The following C4BPA variants were observed in gnomAD, a reference collection of about 807,000 sequenced individuals.
C4BPA encodes complement component 4 binding protein alpha, also known as C4b-binding protein alpha chain.
Under a neutral mutation model 63.7 loss-of-function variants are expected in C4BPA, and 31 were observed. The ratio of observed to expected loss-of-function variants is 0.49; its 90% CI spans 0.37 to 0.66. The LOEUF is 0.66. Ranked by LOEUF, C4BPA falls within the 30% of genes least tolerant of loss-of-function variation. The pLI is 0.00. For synonymous variants in C4BPA, 259 were observed against 254.7 expected, an observed-to-expected ratio of 1.02 and a Z score of -0.16; for missense variants, 572 against 723.3, an observed-to-expected ratio of 0.79 and a Z score of 2.40.
intron 1 of C4BPA, among the ~76,000 whole-genome samples, chr1:207,110,379 G>A (rs2102328594): frequency 6.6e-6 from 1 of 152,332 alleles, no homozygotes; most frequent in East Asian, 1.9e-4. Flanking sequence ...CCACAATACC[G>A]AAAAGTTAGT....
chr1:207,116,522 G>GTA (rs1558088599), intron 4 of C4BPA, among the ~76,000 whole-genome samples: 2 of 135,920 alleles, frequency 1.5e-5, no homozygotes, highest in African/African-American at 6.5e-5. Flanking sequence ...GTATATGTGT[G>GTA]TGTGTGTGTG....
chr1:207,123,945 C>A lies in C4BPA; in HGVS notation c.452C>A (p.Thr151Asn). Residue 151 changes from threonine to asparagine, a missense_variant, in exon 5 of 12, where the codon ACT becomes AAT. By Grantham distance (65) the Thr-to-Asn change is moderately conservative. Transcript: ENST00000367070. Reference sequence around the variant, plus strand: ...AGATTTTTCTTAATTGGCTCAACCACTAGTCGTTGTGAAGTCCAAGATAGA... The same window carrying A: ...AGATTTTTCTTAATTGGCTCAACCAATAGTCGTTGTGAAGTCCAAGATAGA... ...SEGFFLIGST[T>N]SRCEVQDRGV... 1 of 1,610,520 alleles carries A rather than the reference C, an allele frequency of 6.2e-7. No individual in the cohort carries two copies. The highest frequency in any genetic ancestry group is 8.5e-7 in the Non-Finnish European group (1 of 1,177,558).
At chr1:207,116,514 A>ATGTG (rs1331801553) in intron 4 of C4BPA, among the ~76,000 whole-genome samples, 1 of 33,776 alleles carries the variant, frequency 3.0e-5, no homozygotes, top group African/African-American at 8.2e-5. Context: ...GTGTGTGTGT[A>ATGTG]TATGTGTGTG....
chr1:207,123,125 A>C (rs1438997404), intron 4 of C4BPA, among the ~76,000 whole-genome samples: 1 of 152,234 alleles, frequency 6.6e-6, no homozygotes, highest in Non-Finnish European at 1.5e-5. Context: ...GTTCCCATTG[A>C]AACAACCAGA....
intron 9 of C4BPA, among the ~76,000 whole-genome samples, chr1:207,136,789 T>G (rs969868660): frequency 6.6e-5 from 10 of 152,176 alleles, no homozygotes; most frequent in Admixed American, 4.6e-4. Context: ...CTGTCCTGTC[T>G]CTTTTTGCAT....
chr1:207,134,453 C>A lies in C4BPA; in HGVS notation c.1134C>A (p.His378Gln). ...PKLNNGEITQHRKSRPANHCV... is the reference protein window; with the variant it reads ...PKLNNGEITQQRKSRPANHCV... ...TAAATAATGGTGAAATCACTCAACACAGGAAAAGTCGTCCTGCCAATCACT... is the reference window on the plus strand; with the variant it reads ...TAAATAATGGTGAAATCACTCAACAAAGGAAAAGTCGTCCTGCCAATCACT... The change falls in exon 9 of 12, where the codon CAC (histidine) becomes CAA (glutamine). Residue 378 changes from histidine (H) to glutamine (Q), a missense_variant. Coordinates refer to ENST00000367070, the MANE Select transcript of C4BPA (RefSeq NM_000715.4). 6.2e-7 allele frequency: 1 copy of A among 1,613,896 alleles called. No homozygotes were observed. Among genetic ancestry groups the A allele is most frequent in the South Asian group, 1.1e-5 (1 of 91,066 alleles).
chr1:207,112,356 T>G (rs555233336), intron 1 of C4BPA, among the ~76,000 whole-genome samples: 9 of 151,510 alleles, frequency 5.9e-5, no homozygotes, highest in South Asian at 2.1e-4. Context: ...TTTTGTTTTT[T>G]TTTTTTTTTT....
rs1402914963 is a variant in C4BPA at position 207,109,008 on chromosome 1, A to G, written c.-25-3993A>G. ...AGTGCTGGGATTACAGGCGTGAGCT[A>G]CCGCGTCTGACCTGTGGGTGATTCA... On this transcript the variant is annotated intron_variant, in intron 1 of 11. Transcript: ENST00000367070. Among the ~76,000 whole-genome samples, 3 of 152,170 alleles carry G rather than the reference A, an allele frequency of 2.0e-5. No homozygotes were observed. In the South Asian group the frequency reaches 6.2e-4, roughly 31 times the overall value.
In C4BPA at chr1:207,126,797, T is replaced by C. The variant is rs761062466; in HGVS notation, c.791T>C (p.Val264Ala). The change falls in exon 7 of 12, where the codon GTG becomes GCG. Residue 264 changes from valine (V) to alanine (A), a missense_variant. By Grantham distance (64) the Val-to-Ala change is moderately conservative (BLOSUM62 0). Coordinates refer to ENST00000367070, the MANE Select transcript of C4BPA (RefSeq NM_000715.4). ...GPIYNYKDTIVFKCQKGFVLR... is the reference protein window; with the variant it reads ...GPIYNYKDTIAFKCQKGFVLR... ...ATCTATAATTACAAAGACACTATTG[T>C]GTTTAAGTGCCAAAAAGGTTTTGTT... is the stretch of plus-strand genomic sequence containing the variant. 1.2e-6 allele frequency: 2 copies of C among 1,612,794 alleles called. No individual in the cohort carries two copies. The highest frequency in any genetic ancestry group is 1.7e-6 in the Non-Finnish European group (2 of 1,179,032).
chr1:207,142,992 T>C (rs374625145), intron 10 of C4BPA, among the ~76,000 whole-genome samples: 38 of 152,090 alleles, frequency 2.5e-4, no homozygotes, highest in African/African-American at 8.2e-4. Context: ...TGGGTATATA[T>C]GCAAAGGATT....
intron 4 of C4BPA, 56 bp downstream of exon 4, chr1:207,115,571 A>T (rs759624717): frequency 5.3e-6 from 5 of 949,786 alleles, no homozygotes; most frequent in Non-Finnish European, 6.3e-6. Flanking sequence ...AAAATAGCTG[A>T]AGTGTTCGTA....
chr1:207,106,720 C>T (rs185006041), intron 1 of C4BPA, among the ~76,000 whole-genome samples: 2 of 152,274 alleles, frequency 1.3e-5, no homozygotes, highest in East Asian at 3.9e-4. Context: ...GGATTACAGG[C>T]GTGAGCCACT....
intron 2 of C4BPA, among the ~76,000 whole-genome samples, chr1:207,113,410 T>C (rs1367379075): frequency 6.6e-6 from 1 of 152,198 alleles, no homozygotes; most frequent in Non-Finnish European, 1.5e-5. Flanking sequence ...CAACCATCTA[T>C]ATGGATGATA....
At chr1:207,120,423 G>A (rs1384820903) in intron 4 of C4BPA, among the ~76,000 whole-genome samples, 1 of 152,058 alleles carries the variant, frequency 6.6e-6, no homozygotes, top group Non-Finnish European at 1.5e-5. Context: ...CTAATTTTTG[G>A]AACTCTTGCT....
chr1:207,134,260 C>T (rs1047818667), intron 8 of C4BPA, 144 bp from the exon 9 acceptor site: 3 of 611,314 alleles, frequency 4.9e-6, no homozygotes, highest in African/African-American at 1.9e-5. Flanking sequence ...AAAGAGCAGA[C>T]TTGGAGTGTC....
intron 6 of C4BPA, among the ~76,000 whole-genome samples, chr1:207,125,653 T>C (rs1685024515): frequency 6.6e-6 from 1 of 152,128 alleles, no homozygotes. Context: ...AGGCACCATC[T>C]TGAAAGGGGA....
At chr1:207,115,653 C>G in intron 4 of C4BPA, 138 bp downstream of exon 4, 1 of 488,468 alleles carries the variant, frequency 2.0e-6, no homozygotes, top group Non-Finnish European at 3.6e-6. Context: ...CTCCATACAC[C>G]ACATTCCTTC....
rs1287055124 is a variant in C4BPA, at chr1:207,141,091, TG to T, written c.1274-14del. The T allele has an allele frequency of 6.2e-7, 1 of 1,602,030 alleles. No homozygotes were observed. Among genetic ancestry groups the T allele is most frequent in the Admixed American group, 1.7e-5 (1 of 58,956 alleles). ...ACAAACTAATGCTCTCTCACTTTTT[TG>T]TCTCTCCCTCAAGTTTGCAATTTTC... On this transcript the variant is annotated splice_polypyrimidine_tract_variant and intron_variant, in intron 9 of 11. Transcript: ENST00000367070.
intron 9 of C4BPA, among the ~76,000 whole-genome samples, chr1:207,137,290 C>G (rs1685301368): frequency 6.6e-6 from 1 of 152,252 alleles, no homozygotes; most frequent in Admixed American, 6.5e-5. Flanking sequence ...AGGTCTCAAT[C>G]AATTTAGAAA....
Sources: allele counts gnomAD v4.1 joint callset (sites outside exome capture counted in the v4.1 genomes callset), GRCh38; gene constraint gnomAD v4.1.1; transcripts MANE v1.5; gene names NCBI Gene and HGNC (gene_info 2026-07-23, HGNC 2026-07-21).